CASTOR2: variants seen among roughly 807,000 people sequenced by gnomAD.
CASTOR2 encodes GATS protein like 2.
In CASTOR2, 8 loss-of-function variants were observed where a neutral mutation model predicts 31.2. That is an observed-to-expected ratio of 0.26 (90% CI 0.15 to 0.46). CASTOR2 has a LOEUF of 0.46. CASTOR2 is among the 20% of genes least tolerant of loss of function. CASTOR2 has a pLI of 0.99. For synonymous variants in CASTOR2, 162 were observed against 158.7 expected, an observed-to-expected ratio of 1.02 and a Z score of -0.16; for missense variants, 216 against 382.1, an observed-to-expected ratio of 0.57 and a Z score of 3.62.
At chr7:75,012,217 T>C (rs1404628172) in intron 2 of CASTOR2, among the ~76,000 whole-genome samples, 1 of 152,072 alleles carries the variant, frequency 6.6e-6, no homozygotes, top group Non-Finnish European at 1.5e-5. Flanking sequence ...GGATTTGGGG[T>C]GGGCCTAGGG....
chr7:75,019,920 C>A, intron 5 of CASTOR2, 119 bp from the exon 6 acceptor site: 1 of 849,410 alleles, frequency 1.2e-6, no homozygotes, highest in Non-Finnish European at 1.8e-6. Flanking sequence ...GAGAAGGACA[C>A]TGGCCCAGGG....
At chr7:74,988,686 A>G (rs1238377070) in intron 1 of CASTOR2, among the ~76,000 whole-genome samples, 3 of 151,924 alleles carry the variant, frequency 2.0e-5, no homozygotes, top group Non-Finnish European at 4.4e-5. Flanking sequence ...TCCTGCTTTT[A>G]CTTTATGTTT....
intron 1 of CASTOR2, among the ~76,000 whole-genome samples, chr7:74,997,316 C>A (rs1472283670): frequency 1.3e-5 from 2 of 152,052 alleles, no homozygotes; most frequent in African/African-American, 4.8e-5. Flanking sequence ...ACATTGATTC[C>A]TCACCCTGGT....
intron 2 of CASTOR2, among the ~76,000 whole-genome samples, chr7:75,014,340 G>A (rs1804816745): frequency 2.0e-5 from 3 of 150,158 alleles, no homozygotes; most frequent in East Asian, 2.0e-4. Flanking sequence ...TTGGGAGGCC[G>A]AGGCGGGCAG....
intron 2 of CASTOR2, among the ~76,000 whole-genome samples, chr7:75,012,231 G>A (rs1804767300): frequency 6.6e-6 from 1 of 152,186 alleles, no homozygotes; most frequent in Non-Finnish European, 1.5e-5. Context: ...CCTAGGGGCT[G>A]CAGTATGAGG....
intron 2 of CASTOR2, among the ~76,000 whole-genome samples, chr7:75,009,382 C>G (rs1389117645): frequency 1.4e-5 from 2 of 146,394 alleles, no homozygotes; most frequent in African/African-American, 5.0e-5. Flanking sequence ...ATTCTCCTGC[C>G]TCAGTCTCCC....
intron 1 of CASTOR2, among the ~76,000 whole-genome samples, chr7:74,995,066 G>A (rs1286606943): frequency 1.3e-5 from 2 of 152,094 alleles, no homozygotes; most frequent in Non-Finnish European, 2.9e-5. Flanking sequence ...GAGGCATGAG[G>A]GAAGACGTCA....
chr7:75,001,251 A>AT (rs1223542279), intron 1 of CASTOR2, among the ~76,000 whole-genome samples: 1 of 150,030 alleles, frequency 6.7e-6, no homozygotes, highest in Non-Finnish European at 1.5e-5. Flanking sequence ...TAATTTTTAA[A>AT]TTTTTTTGTA....
intron 1 of CASTOR2, 39 bp from the exon 2 acceptor site, chr7:75,007,955 T>C: frequency 6.2e-7 from 1 of 1,613,922 alleles, no homozygotes; most frequent in East Asian, 2.2e-5. Context: ...GGGACCTGCC[T>C]GGACTAATGA....
chr7:74,967,361 G>T (rs1266710506), intron 1 of CASTOR2, among the ~76,000 whole-genome samples: 3 of 138,422 alleles, frequency 2.2e-5, no homozygotes, highest in African/African-American at 7.7e-5. Context: ...GCAGCCTGCC[G>T]ACATAGCATT....
At chr7:75,011,742 AAAAAC>A (rs1804752618) in intron 2 of CASTOR2, among the ~76,000 whole-genome samples, 1 of 142,424 alleles carries the variant, frequency 7.0e-6, no homozygotes, top group Non-Finnish European at 1.5e-5. Context: ...AAAAAAAAAA[AAAAAC>A]CAAAAAAAAA....
chr7:75,024,269 G>T (rs1394393722), intron 7 of CASTOR2, among the ~76,000 whole-genome samples, 171 bp from the exon 8 acceptor site: 2 of 152,148 alleles, frequency 1.3e-5, no homozygotes, highest in Non-Finnish European at 2.9e-5. Flanking sequence ...CAGCCTGGGC[G>T]ATGGAGCGAG....
At chr7:75,009,164 G>T (rs1712473920) in intron 2 of CASTOR2, among the ~76,000 whole-genome samples, 1 of 146,660 alleles carries the variant, frequency 6.8e-6, no homozygotes, top group Non-Finnish European at 1.5e-5. Flanking sequence ...CACCCTGTTG[G>T]CCAGGATCGT....
At chr7:75,018,815 G>A (rs1399271158) in intron 4 of CASTOR2, among the ~76,000 whole-genome samples, 157 bp from the exon 5 acceptor site, 3 of 152,244 alleles carry the variant, frequency 2.0e-5, no homozygotes, top group South Asian at 2.1e-4. Flanking sequence ...GAATCAGGAC[G>A]GTGGTAATTG....
chr7:75,026,734 G>A lies in CASTOR2; in HGVS notation c.*2035G>A, dbSNP rs1805145695. Among the ~76,000 whole-genome samples, 1 of 152,120 alleles carries A rather than the reference G, an allele frequency of 6.6e-6. No individual in the cohort carries two copies. Among genetic ancestry groups the A allele is most frequent in the Non-Finnish European group, 1.5e-5 (1 of 68,028 alleles). On this transcript the variant is annotated 3_prime_UTR_variant, in exon 9 of 9. Coordinates refer to ENST00000616305, the MANE Select transcript of CASTOR2 (RefSeq NM_001145064.3). ...ACTCGTACATTGCTGGTCCCAAAAG[G>A]GAGGTGGCCAAGTGGGGCAGGGCTG...
Position 75,030,676 on chromosome 7 carries a change from T to TC in CASTOR2, c.*5983dup, listed in dbSNP as rs1370922048. ...TGTCTTCACAATATGGCGCTCGGCT[T>TC]CCCCCCAGAGCAAGAGATTCAAGGG... On this transcript the variant is annotated 3_prime_UTR_variant, in exon 9 of 9. Transcript: ENST00000616305. Among the ~76,000 whole-genome samples, 7 of 151,942 alleles carry TC rather than the reference T, an allele frequency of 4.6e-5. No individual in the cohort carries two copies. The East Asian group carries it at 9.7e-4, about 21-fold the overall frequency.
At position 75,017,593 on chromosome 7, in the gene CASTOR2, T is replaced by A. The variant is rs1300476649; in HGVS notation, c.185-5T>A. 1.1e-5 allele frequency: 18 copies of A among 1,613,642 alleles called. No individual in the cohort carries two copies. In the African/African-American group the frequency reaches 1.7e-4, roughly 16 times the overall value. Reference sequence around the variant, plus strand: ...CACAGGACTGCCTTCTGTGTCTCCCTCCAGAGCTGCCCTCCTCGGAGCACC... The same window carrying A: ...CACAGGACTGCCTTCTGTGTCTCCCACCAGAGCTGCCCTCCTCGGAGCACC... On this transcript the variant is annotated splice_polypyrimidine_tract_variant and splice_region_variant and intron_variant, in intron 2 of 8. Transcript: ENST00000616305.
chr7:74,994,498 C>T (rs1554437700), intron 1 of CASTOR2, among the ~76,000 whole-genome samples: 36 of 152,260 alleles, frequency 2.4e-4, no homozygotes, highest in African/African-American at 7.7e-4. Flanking sequence ...TGCCTGTAAT[C>T]CCAGCACTTT....
chr7:75,022,073 G>T, intron 7 of CASTOR2, 117 bp downstream of exon 7: 1 of 1,241,254 alleles, frequency 8.1e-7, no homozygotes, highest in Non-Finnish European at 1.2e-6. Context: ...GGAGACTGAG[G>T]CTTGGGGAGC....
Sources: gnomAD v4.1 joint callset for allele counts (sites outside exome capture counted in the v4.1 genomes callset) on GRCh38, gnomAD v4.1.1 for gene constraint, MANE v1.5 for transcripts, NCBI Gene and HGNC (gene_info 2026-07-23, HGNC 2026-07-21) for gene names.